Variants in ADCY8 observed in about 807,000 individuals in gnomAD.
ADCY8 encodes adenylate cyclase type 8.
Under a neutral mutation model 119.7 loss-of-function variants are expected in ADCY8, and 51 were observed. That is an observed-to-expected ratio of 0.43 (90% CI 0.34 to 0.54). The LOEUF (loss-of-function observed/expected upper bound fraction) is 0.54, where lower values mean the gene tolerates loss of function less well. Among genes scored for constraint, ADCY8 ranks in the 20% least tolerant of loss-of-function variants. The pLI is 0.03. For synonymous variants in ADCY8, 665 were observed against 651.0 expected, an observed-to-expected ratio of 1.02 and a Z score of -0.33; for missense variants, 1,383 against 1,598.8, an observed-to-expected ratio of 0.87 and a Z score of 2.30.
intron 7 of ADCY8, among the ~76,000 whole-genome samples, chr8:130,898,088 G>A (rs78707491): frequency 0.016 from 2,387 of 152,138 alleles, 51 homozygotes; most frequent in African/African-American, 0.053. Context: ...AGGCCACAAA[G>A]ATGGAAGCAG....
At position 131,019,829 on chromosome 8, in the gene ADCY8, C is replaced by CTCTGTCTG. The variant is rs1554626067; in HGVS notation, c.960+19544_960+19545insCAGACAGA. Among the ~76,000 whole-genome samples the CTCTGTCTG allele has an allele frequency of 4.5e-3, 541 of 118,968 alleles. 1 individual carries two copies. Among genetic ancestry groups the CTCTGTCTG allele is most frequent in the Non-Finnish European group, 7.2e-3 (416 of 57,644 alleles). The allele number at this position is 118,968 out of a possible 152,430, so 78.0% of individuals were successfully genotyped here. On this transcript the variant is annotated intron_variant, in intron 1 of 17. Transcript: ENST00000286355. ...TCTCTCTCTCTCTCTCTCTCTCTCT[C>CTCTGTCTG]TCTCTCTCTGTCTGTCTCTCTCTCT...
At chr8:131,010,681 A>T (rs1258020195) in intron 1 of ADCY8, among the ~76,000 whole-genome samples, 1 of 152,238 alleles carries the variant, frequency 6.6e-6, no homozygotes, top group Non-Finnish European at 1.5e-5. Context: ...GAGTGAGAAG[A>T]TGAGGATCTA....
intron 2 of ADCY8, among the ~76,000 whole-genome samples, chr8:130,983,412 T>A (rs1450020780): frequency 6.6e-6 from 1 of 152,048 alleles, no homozygotes; most frequent in Non-Finnish European, 1.5e-5. Flanking sequence ...CAGAGGGTAA[T>A]GAGTCTGTTG....
intron 4 of ADCY8, among the ~76,000 whole-genome samples, chr8:130,943,073 G>T (rs951762215): frequency 6.6e-6 from 1 of 152,206 alleles, no homozygotes; most frequent in Non-Finnish European, 1.5e-5. Flanking sequence ...GGGAAGCAAT[G>T]ATAGGGGCGT....
intron 2 of ADCY8, among the ~76,000 whole-genome samples, chr8:130,987,758 T>C (rs936955934): frequency 1.3e-5 from 2 of 152,068 alleles, no homozygotes; most frequent in African/African-American, 4.8e-5. Context: ...CAATGACACA[T>C]GATATTTTAA....
chr8:130,806,714 C>T (rs1380178022), intron 14 of ADCY8, among the ~76,000 whole-genome samples: 1 of 152,224 alleles, frequency 6.6e-6, no homozygotes, highest in Non-Finnish European at 1.5e-5. Flanking sequence ...TAAACATCCT[C>T]ACCTCACATT....
At chr8:130,851,056 C>T (rs987195230) in intron 9 of ADCY8, among the ~76,000 whole-genome samples, 7 of 152,172 alleles carry the variant, frequency 4.6e-5, no homozygotes, top group Non-Finnish European at 8.8e-5. Flanking sequence ...TCTGTTATAC[C>T]GTTCTGATAT....
At chr8:130,971,824 T>A (rs1233624093) in intron 2 of ADCY8, among the ~76,000 whole-genome samples, 2 of 152,184 alleles carry the variant, frequency 1.3e-5, no homozygotes, top group Non-Finnish European at 2.9e-5. Context: ...AGATGATGTA[T>A]TCATGGAGCT....
intron 5 of ADCY8, among the ~76,000 whole-genome samples, chr8:130,921,183 A>C (rs564216854): frequency 6.6e-6 from 1 of 152,204 alleles, no homozygotes; most frequent in Non-Finnish European, 1.5e-5. Context: ...TAAAGAAGAA[A>C]ATTAAAACTA....
chr8:130,822,876 G>T (rs3793392), intron 12 of ADCY8, among the ~76,000 whole-genome samples: 32,773 of 152,108 alleles, frequency 0.22, 3,612 homozygotes, highest in Admixed American at 0.25. Flanking sequence ...AGGATTAAAT[G>T]AGTTAATCAT....
chr8:130,836,457 C>G lies in ADCY8; in HGVS notation c.2503-8G>C, dbSNP rs1367711625. 6.2e-7 allele frequency: 1 copy of G among 1,611,884 alleles called. No individual in the cohort carries two copies. The highest frequency in any genetic ancestry group is 1.7e-4 in the Middle Eastern group (1 of 5,902). Reference sequence around the variant, plus strand: ...CCCCGTGAAGACAAAGTACTGGAAACAGAGAATGCAGGTGGTCAGATTCAA... The same window carrying G: ...CCCCGTGAAGACAAAGTACTGGAAAGAGAGAATGCAGGTGGTCAGATTCAA... On this transcript the variant is annotated splice_polypyrimidine_tract_variant and splice_region_variant and intron_variant, in intron 11 of 17. Transcript: ENST00000286355.
At chr8:130,825,240 A>T (rs969107117) in intron 12 of ADCY8, among the ~76,000 whole-genome samples, 6 of 152,122 alleles carry the variant, frequency 3.9e-5, no homozygotes, top group Non-Finnish European at 7.4e-5. Flanking sequence ...ACAGTAAATT[A>T]TTGTCAATTA....
At chr8:130,918,465 G>A (rs1403301210) in intron 5 of ADCY8, among the ~76,000 whole-genome samples, 1 of 152,134 alleles carries the variant, frequency 6.6e-6, no homozygotes, top group Non-Finnish European at 1.5e-5. Context: ...ATAAAATTCA[G>A]CCCATAGCAG....
rs1466497860 is a variant in ADCY8, at chr8:130,990,551, AAC to A, written c.961-11_961-10del. On this transcript the variant is annotated splice_polypyrimidine_tract_variant and intron_variant, in intron 1 of 17. Transcript: ENST00000286355. ...ACTGCCTGGGCCACAACCTAAAATA[AAC>A]ACAGTCTGGTCAGGCGCTTAAAACA... The A allele has an allele frequency of 3.1e-6, 5 of 1,612,896 alleles. No homozygotes were observed. Among genetic ancestry groups the A allele is most frequent in the South Asian group, 1.1e-5 (1 of 90,938 alleles).
At chr8:130,848,796 A>C (rs535207548) in intron 10 of ADCY8, among the ~76,000 whole-genome samples, 1 of 152,344 alleles carries the variant, frequency 6.6e-6, no homozygotes, top group South Asian at 2.1e-4. Flanking sequence ...AAAGCACAGA[A>C]AATACCTATA....
chr8:130,993,314 A>G (rs1264784508), intron 1 of ADCY8, among the ~76,000 whole-genome samples: 2 of 152,242 alleles, frequency 1.3e-5, no homozygotes, highest in African/African-American at 4.8e-5. Flanking sequence ...ACACTGCAAA[A>G]TAAGATAAAA....
intron 1 of ADCY8, among the ~76,000 whole-genome samples, chr8:131,016,295 A>G (rs1330562304): frequency 6.6e-6 from 1 of 152,076 alleles, no homozygotes; most frequent in Non-Finnish European, 1.5e-5. Context: ...AGGCCAAGAA[A>G]AAGGATCACT....
chr8:130,886,068 C>T (rs933387161), intron 7 of ADCY8, among the ~76,000 whole-genome samples: 6 of 152,014 alleles, frequency 3.9e-5, no homozygotes, highest in African/African-American at 1.5e-4. Context: ...GCCATCCAGC[C>T]CACCCCATAA....
intron 2 of ADCY8, among the ~76,000 whole-genome samples, chr8:130,977,077 T>C (rs1271964929): frequency 1.3e-5 from 2 of 152,164 alleles, no homozygotes; most frequent in Non-Finnish European, 2.9e-5. Flanking sequence ...GAAACAGAAA[T>C]TGATCAGAGG....
Sources: gnomAD v4.1 joint callset for allele counts (sites outside exome capture counted in the v4.1 genomes callset) on GRCh38, gnomAD v4.1.1 for gene constraint, MANE v1.5 for transcripts, NCBI Gene and HGNC (gene_info 2026-07-23, HGNC 2026-07-21) for gene names.